ALK: variants seen among roughly 807,000 people sequenced by gnomAD.
The protein encoded by ALK is ALK tyrosine kinase receptor.
Under a neutral mutation model 163.1 loss-of-function variants are expected in ALK, and 74 were observed. That is an observed-to-expected ratio of 0.45 (90% confidence interval 0.38 to 0.55). ALK has a LOEUF of 0.55. Among genes scored for constraint, ALK ranks in the 20% least tolerant of loss-of-function variants. ALK has a pLI of 0.00. For synonymous variants in ALK, 960 were observed against 843.2 expected (o/e 1.14, Z -2.40); for missense variants, 2,063 against 2,105.3 (o/e 0.98, Z 0.39).
chr2:29,753,476 C>T (rs79397145), intron 1 of ALK, among the ~76,000 whole-genome samples: 2,598 of 152,244 alleles, frequency 0.017, 46 homozygotes, highest in African/African-American at 0.05. Flanking sequence ...TCTCTTAAGC[C>T]TGGTCTCCGT....
intron 3 of ALK, among the ~76,000 whole-genome samples, chr2:29,642,353 G>A (rs1024939819): frequency 1.6e-4 from 25 of 152,104 alleles, no homozygotes; most frequent in African/African-American, 5.8e-4. Context: ...AATGCAATTC[G>A]GTTGTCCTTT....
chr2:29,487,234 A>C (rs1292364451), intron 4 of ALK, among the ~76,000 whole-genome samples: 1 of 152,230 alleles, frequency 6.6e-6, no homozygotes, highest in Admixed American at 6.5e-5. Flanking sequence ...TGAAATAAAC[A>C]GATGACCATG....
At position 29,383,864 on chromosome 2, in the gene ALK, T is replaced by C; in HGVS notation, c.1155-5A>G. On this transcript the variant is annotated splice_polypyrimidine_tract_variant and splice_region_variant and intron_variant, in intron 4 of 28. Transcript: ENST00000389048. ...CTTCCCTGGAGCACTGTCCAACTGG[T>C]TGCATTGGAAAACAGAGGAGAAAAG... is the stretch of plus-strand genomic sequence containing the variant. 2 of 1,613,892 alleles carry C rather than the reference T, an allele frequency of 1.2e-6. No individual in the cohort carries two copies. The highest frequency in any genetic ancestry group is 1.7e-6 in the Non-Finnish European group (2 of 1,179,958).
chr2:29,741,285 T>A (rs1208155143), intron 1 of ALK, among the ~76,000 whole-genome samples: 1 of 152,078 alleles, frequency 6.6e-6, no homozygotes, highest in African/African-American at 2.4e-5. Context: ...GTGCCCAACA[T>A]CAAAAGTGAA....
At chr2:29,849,094 C>T (rs1209471598) in intron 1 of ALK, among the ~76,000 whole-genome samples, 1 of 152,156 alleles carries the variant, frequency 6.6e-6, no homozygotes, top group Non-Finnish European at 1.5e-5. Flanking sequence ...CCCCATCTCA[C>T]AGGACCCGCC....
chr2:29,344,167 T>A (rs1667881070), intron 5 of ALK, among the ~76,000 whole-genome samples: 1 of 152,220 alleles, frequency 6.6e-6, no homozygotes, highest in Non-Finnish European at 1.5e-5. Context: ...CTAGGACAGA[T>A]ATTTTGGCAA....
chr2:29,869,510 G>A (rs911825834), intron 1 of ALK, among the ~76,000 whole-genome samples: 1 of 152,246 alleles, frequency 6.6e-6, no homozygotes, highest in South Asian at 2.1e-4. Flanking sequence ...AATCAGTAAG[G>A]AAGGAACGAA....
chr2:29,239,681 C>T lies in ALK; in HGVS notation c.2354G>A (p.Ser785Asn), dbSNP rs1441640593. The T allele has an allele frequency of 6.2e-7, 1 of 1,613,730 alleles. No individual in the cohort carries two copies. The highest frequency in any genetic ancestry group is 8.5e-7 in the Non-Finnish European group (1 of 1,180,024). The change falls in exon 13 of 29, where the codon AGT becomes AAT. Residue 785 changes from serine (S) to asparagine (N), a missense_variant and splice_region_variant. By Grantham distance (46) the Ser-to-Asn change is conservative. Around this residue, in one of 5 missense-constraint regions of ALK, gnomAD observed 575 missense variants for 626.6 expected, o/e 0.92. Transcript: ENST00000389048. Reference sequence around the variant, plus strand: ...GAAACCCCTGCTCTGGGCACTTACACTGGGGCAGGCGTCCTCTCCCTGCTG... The same window carrying T: ...GAAACCCCTGCTCTGGGCACTTACATTGGGGCAGGCGTCCTCTCCCTGCTG... ...VGQQGEDACP[S>N]TNQLIQKVCI...
rs752236295 is a variant in ALK at position 29,227,495 on chromosome 2, G to A, written c.2914+79C>T. ...ATTGTGCCTCTGTATCCTGGATACA[G>A]GTCAGAGACTCTGAGGTTTTAGCTT... On this transcript the variant is annotated intron_variant, in intron 17 of 28. Coordinates refer to ENST00000389048, the MANE Select transcript of ALK (RefSeq NM_004304.5). This position sits in a 1 kb window ranked among gnomAD's most constrained non-coding sequence, Gnocchi z 4.4. 2.4e-6 allele frequency: 3 copies of A among 1,238,040 alleles called. No homozygotes were observed. Among genetic ancestry groups the A allele is most frequent in the Non-Finnish European group, 3.6e-6 (3 of 836,842 alleles). The allele number at this position is 1,238,040 out of a possible 1,614,324, so 76.7% of individuals were successfully genotyped here. A position where few individuals can be genotyped will look rare whatever the true frequency, so the allele number is the denominator to read the frequency against.
At chr2:29,479,816 A>G (rs7426089) in intron 4 of ALK, among the ~76,000 whole-genome samples, 22,716 of 152,186 alleles carry the variant, frequency 0.15, 1,922 homozygotes, top group East Asian at 0.33. Flanking sequence ...TGGCAAAATT[A>G]GGAAGATCTG....
At chr2:29,380,809 C>T (rs2148299364) in intron 5 of ALK, among the ~76,000 whole-genome samples, 1 of 152,312 alleles carries the variant, frequency 6.6e-6, no homozygotes, top group East Asian at 1.9e-4. Context: ...GGAGATCCTC[C>T]TCCATGATCC....
At chr2:29,350,614 G>A (rs562405227) in intron 5 of ALK, among the ~76,000 whole-genome samples, 2 of 152,200 alleles carry the variant, frequency 1.3e-5, no homozygotes, top group Non-Finnish European at 1.5e-5. Flanking sequence ...AGTACCTGCT[G>A]TAGAGTAAAC....
At chr2:29,350,568 C>T (rs1357151220) in intron 5 of ALK, among the ~76,000 whole-genome samples, 1 of 152,208 alleles carries the variant, frequency 6.6e-6, no homozygotes, top group African/African-American at 2.4e-5. Context: ...TTCTAGGCTT[C>T]TCAGTGGTGC....
At chr2:29,397,121 A>ACCCCCCAT in intron 4 of ALK, among the ~76,000 whole-genome samples, 1 of 151,904 alleles carries the variant, frequency 6.6e-6, no homozygotes, top group South Asian at 2.1e-4. Context: ...TTAAGTCTTA[A>ACCCCCCAT]CCCCCCATGC....
At chr2:29,278,119 A>C (rs1665592488) in intron 9 of ALK, among the ~76,000 whole-genome samples, 1 of 152,042 alleles carries the variant, frequency 6.6e-6, no homozygotes, top group African/African-American at 2.4e-5. Context: ...ACAGTATTTA[A>C]GTTGGTTTTG....
intron 4 of ALK, among the ~76,000 whole-genome samples, chr2:29,396,375 C>A (rs1019326588): frequency 1.3e-5 from 2 of 152,148 alleles, no homozygotes; most frequent in South Asian, 4.1e-4. Context: ...CAGGAATAAT[C>A]TCTTTAAAAC....
intron 11 of ALK, among the ~76,000 whole-genome samples, chr2:29,255,978 G>A (rs925355046): frequency 6.6e-6 from 1 of 152,156 alleles, no homozygotes; most frequent in Non-Finnish European, 1.5e-5. Context: ...AATCTGGCAG[G>A]TACTTCAGGT....
rs1160873517 is a variant in ALK at position 29,383,776 on chromosome 2, C to T, written c.1238G>A (p.Ser413Asn). ...GGCAAAGAAGTCCACTGCAGACAAG[C>T]TGCGGTTTCCACTGGAGATGTATTC... ...ALEYISSGNR[S>N]LSAVDFFALK... is the part of the protein sequence containing the mutation. Residue 413 changes from serine to asparagine, a missense_variant, in exon 5 of 29, where the codon AGC becomes AAC. Transcript: ENST00000389048. The T allele has an allele frequency of 6.2e-7, 1 of 1,614,164 alleles. No homozygotes were observed. Among genetic ancestry groups the T allele is most frequent in the East Asian group, 2.2e-5 (1 of 44,874 alleles).
chr2:29,865,837 T>C (rs915351372), intron 1 of ALK, among the ~76,000 whole-genome samples: 2 of 152,214 alleles, frequency 1.3e-5, no homozygotes, highest in Non-Finnish European at 2.9e-5. Context: ...GTTATTGATA[T>C]GGCTTTTATT....
Sources: gnomAD v4.1 joint callset for allele counts (sites outside exome capture counted in the v4.1 genomes callset) on GRCh38, gnomAD v4.1.1 for gene constraint, gnomAD v4.1.1 regional missense constraint, Gnocchi (gnomAD v3.1) non-coding constraint, MANE v1.5 for transcripts, NCBI Gene and HGNC (gene_info 2026-07-23, HGNC 2026-07-21) for gene names.